Variants in CADM2 observed in about 807,000 individuals in gnomAD.
CADM2 encodes the protein cell adhesion molecule 2, also known as immunoglobulin superfamily member 4D.
A neutral mutation model predicts 49.8 loss-of-function variants in CADM2; 12 were observed. The observed-to-expected ratio is 0.24, with a 90% CI of 0.15 to 0.39. The LOEUF is 0.39. Ranked by LOEUF, CADM2 falls within the 10% of genes least tolerant of loss-of-function variation. CADM2 has a pLI of 1.00. For synonymous variants in CADM2, 214 were observed against 175.4 expected (o/e 1.22, Z -1.74); for missense variants, 378 against 492.3 (o/e 0.77, Z 2.20).
Position 86,072,381 on chromosome 3 carries a change from C to CA in CADM2, c.*5601dup, listed in dbSNP as rs2107467466. The CA allele has an allele frequency of 7.1e-6, 1 of 139,926 alleles. No individual in the cohort carries two copies. The highest frequency in any genetic ancestry group is 7.2e-5 in the Admixed American group (1 of 13,802). 8.7% of individuals were successfully genotyped at this position (139,926 alleles called of 1,614,324 possible). On this transcript the variant is annotated 3_prime_UTR_variant, in exon 10 of 10. Coordinates refer to ENST00000383699, the MANE Select transcript of CADM2 (RefSeq NM_001167675.2). ...ATGATTATTTTGGAGAGAATGGGCC[C>CA]AAATGTGAAAAAGATATAAAAAAAA... is the stretch of plus-strand genomic sequence containing the variant.
At chr3:85,958,735 C>G (rs1353507478) in intron 7 of CADM2, among the ~76,000 whole-genome samples, 4 of 151,942 alleles carry the variant, frequency 2.6e-5, no homozygotes, top group African/African-American at 9.7e-5. Context: ...GGAGTGAGAT[C>G]ATGTCCTTTG....
At position 85,886,323 on chromosome 3, in the gene CADM2, T is replaced by G. The variant is rs766319123; in HGVS notation, c.525T>G (p.Ile175Met). Reference protein sequence around the residue: ...DIRWFKNDKEIKDVKYLKEED... With the variant: ...DIRWFKNDKEMKDVKYLKEED... ...GATGGTTCAAAAATGACAAAGAGAT[T>G]AAAGGTAAAGAATAGAAAAATGAAA... Residue 175 changes from isoleucine to methionine, a missense_variant, in exon 5 of 10, where the codon ATT (isoleucine) becomes ATG (methionine). Transcript: ENST00000383699. The G allele has an allele frequency of 1.2e-6, 2 of 1,605,984 alleles. No homozygotes were observed. Among genetic ancestry groups the G allele is most frequent in the Non-Finnish European group, 1.7e-6 (2 of 1,173,322 alleles).
chr3:85,469,941 T>C (rs1005010783), intron 1 of CADM2, among the ~76,000 whole-genome samples: 2 of 152,062 alleles, frequency 1.3e-5, no homozygotes, highest in Non-Finnish European at 2.9e-5. Context: ...TGATGGAGCA[T>C]GACAAGCCAG....
At chr3:85,474,683 A>C (rs1353222678) in intron 1 of CADM2, among the ~76,000 whole-genome samples, 1 of 151,862 alleles carries the variant, frequency 6.6e-6, no homozygotes, top group African/African-American at 2.4e-5. Flanking sequence ...AAAATTTAAA[A>C]CCTTGATTGT....
In CADM2 at chr3:85,477,334, T is replaced by C. The variant is rs2039019703; in HGVS notation, c.62-249188T>C. Among the ~76,000 whole-genome samples the C allele has an allele frequency of 2.6e-5, 4 of 151,548 alleles. No individual in the cohort carries two copies. The South Asian group carries it at 8.4e-4, about 32-fold the overall frequency. Reference sequence around the variant, plus strand: ...ATTAATAGTTCTTTACTTCAACACTTGGCTTGTCAACATTCTTACATATCC... The same window carrying C: ...ATTAATAGTTCTTTACTTCAACACTCGGCTTGTCAACATTCTTACATATCC... On this transcript the variant is annotated intron_variant, in intron 1 of 9. Coordinates refer to ENST00000383699, the MANE Select transcript of CADM2 (RefSeq NM_001167675.2).
chr3:85,559,805 G>A (rs2062048647), intron 1 of CADM2, among the ~76,000 whole-genome samples: 1 of 152,072 alleles, frequency 6.6e-6, no homozygotes, highest in Non-Finnish European at 1.5e-5. Context: ...ATTGGAAGGT[G>A]AAGAGAAGGA....
intron 1 of CADM2, among the ~76,000 whole-genome samples, chr3:85,373,201 C>T (rs937224559): frequency 2.6e-5 from 4 of 152,104 alleles, no homozygotes; most frequent in Non-Finnish European, 4.4e-5. Context: ...TTTCTAGATA[C>T]GATGGGGCTA....
intron 3 of CADM2, among the ~76,000 whole-genome samples, chr3:85,812,415 G>A (rs537988987): frequency 3.9e-5 from 6 of 152,042 alleles, no homozygotes; most frequent in South Asian, 2.1e-4. Flanking sequence ...GTACTGCACC[G>A]GGGCCTAATT....
chr3:85,047,886 T>G (rs2035728384), intron 1 of CADM2, among the ~76,000 whole-genome samples: 2 of 152,154 alleles, frequency 1.3e-5, no homozygotes, highest in African/African-American at 4.8e-5. Flanking sequence ...ACTTTCTGCC[T>G]TTGCTGCTAA....
intron 8 of CADM2, among the ~76,000 whole-genome samples, chr3:86,042,067 A>G (rs540297652): frequency 7.9e-4 from 120 of 152,352 alleles, no homozygotes; most frequent in Non-Finnish European, 1.4e-3. Flanking sequence ...ACTCTGGGAC[A>G]CATTCAAAGC....
intron 1 of CADM2, among the ~76,000 whole-genome samples, chr3:85,452,672 T>A (rs548590920): frequency 6.6e-6 from 1 of 152,258 alleles, no homozygotes; most frequent in Non-Finnish European, 1.5e-5. Flanking sequence ...CCATAGAAAT[T>A]ATCTCCTAGC....
intron 8 of CADM2, among the ~76,000 whole-genome samples, chr3:86,063,996 A>G (rs1473342389): frequency 2.0e-5 from 3 of 151,784 alleles, no homozygotes; most frequent in Non-Finnish European, 4.4e-5. Flanking sequence ...CAAACTTTTG[A>G]GTGCCCAAAT....
chr3:84,970,044 CTTTTT>C lies in CADM2; in HGVS notation c.61+10395_61+10399del, dbSNP rs33980527. ...ACCAGATTATGTGTGGACTGACCTG[CTTTTT>C]TTTTTTTTTTTTTTTTTTACTGCCA... On this transcript the variant is annotated intron_variant, in intron 1 of 9. Coordinates refer to ENST00000383699, the MANE Select transcript of CADM2 (RefSeq NM_001167675.2). 3.5e-3 allele frequency among the ~76,000 whole-genome samples: 360 copies of C among 103,562 alleles called. 1 individual carries two copies. The highest frequency in any genetic ancestry group is 0.012 in the African/African-American group (310 of 26,572). The allele number at this position is 103,562 out of a possible 152,430, so 67.9% of individuals were successfully genotyped here.
At chr3:85,235,657 A>G (rs2042391953) in intron 1 of CADM2, among the ~76,000 whole-genome samples, 1 of 152,112 alleles carries the variant, frequency 6.6e-6, no homozygotes, top group Admixed American at 6.6e-5. Flanking sequence ...TAAAACTTTA[A>G]TTGAAATTTC....
At chr3:86,021,443 G>A (rs1312992688) in intron 8 of CADM2, among the ~76,000 whole-genome samples, 2 of 152,094 alleles carry the variant, frequency 1.3e-5, no homozygotes, top group African/African-American at 2.4e-5. Context: ...ATTCATTAGT[G>A]TAGACATGGC....
At chr3:85,663,555 C>A (rs191068900) in intron 1 of CADM2, among the ~76,000 whole-genome samples, 305 of 152,132 alleles carry the variant, frequency 2.0e-3, no homozygotes, top group African/African-American at 6.5e-3. Flanking sequence ...CACTAAGCTG[C>A]TTTCTGTCTT....
intron 8 of CADM2, among the ~76,000 whole-genome samples, chr3:85,980,775 A>G (rs1339652392): frequency 6.6e-6 from 1 of 151,564 alleles, no homozygotes; most frequent in Non-Finnish European, 1.5e-5. Flanking sequence ...TTGCATACTA[A>G]CACAATATCT....
intron 1 of CADM2, among the ~76,000 whole-genome samples, chr3:84,987,127 T>A (rs1275505984): frequency 1.3e-5 from 2 of 152,054 alleles, no homozygotes; most frequent in Non-Finnish European, 2.9e-5. Flanking sequence ...TGGAATGTGT[T>A]AGGGAGCAGA....
intron 8 of CADM2, among the ~76,000 whole-genome samples, chr3:86,059,623 T>C (rs543873992): frequency 2.0e-5 from 3 of 152,326 alleles, no homozygotes; most frequent in Non-Finnish European, 4.4e-5. Flanking sequence ...CAATACATGA[T>C]GTATTTATCT....
Sources: allele counts gnomAD v4.1 joint callset (sites outside exome capture counted in the v4.1 genomes callset), GRCh38; gene constraint gnomAD v4.1.1; transcripts MANE v1.5; gene names NCBI Gene and HGNC (gene_info 2026-07-23, HGNC 2026-07-21).